MMD2: variants seen among roughly 807,000 people sequenced by gnomAD.
MMD2 encodes the protein monocyte to macrophage differentiation associated 2.
MMD2 carries 30 observed loss-of-function variants against 33.5 expected under a neutral mutation model. The observed-to-expected ratio is 0.90, with a 90% CI of 0.67 to 1.22. MMD2 has a LOEUF of 1.22. MMD2 is among the 50% of genes most tolerant of loss of function. The pLI is 0.00. For missense variants in MMD2, 364 were observed against 325.4 expected, an observed-to-expected ratio of 1.12 and a Z score of -0.91; for synonymous variants, 129 against 123.0, an observed-to-expected ratio of 1.05 and a Z score of -0.32.
chr7:4,933,661 T>G (rs2115126881), intron 1 of MMD2, among the ~76,000 whole-genome samples: 1 of 152,096 alleles, frequency 6.6e-6, no homozygotes, highest in South Asian at 2.1e-4. Context: ...TTTTTTTAGA[T>G]AGGGTCTATC....
At chr7:4,926,053 G>A (rs942569345) in intron 1 of MMD2, among the ~76,000 whole-genome samples, 8 of 152,082 alleles carry the variant, frequency 5.3e-5, no homozygotes, top group African/African-American at 1.7e-4. Context: ...TGATCCGCCC[G>A]CCTCAGCCTT....
chr7:4,950,202 G>A (rs1162224481), intron 1 of MMD2, among the ~76,000 whole-genome samples: 3 of 151,702 alleles, frequency 2.0e-5, no homozygotes, highest in Admixed American at 6.6e-5. Flanking sequence ...GGGTTCAAGC[G>A]ATTCTCCTGC....
intron 1 of MMD2, among the ~76,000 whole-genome samples, chr7:4,955,348 T>C (rs1786354270): frequency 6.6e-6 from 1 of 152,182 alleles, no homozygotes; most frequent in Admixed American, 6.6e-5. Context: ...GGTTAGAACC[T>C]AGGGGGTTAG....
chr7:4,909,862 C>A lies in MMD2; in HGVS notation c.537+19G>T, dbSNP rs745846867. 3.7e-6 allele frequency: 6 copies of A among 1,603,692 alleles called. No individual in the cohort carries two copies. The highest frequency in any genetic ancestry group is 3.4e-6 in the Non-Finnish European group (4 of 1,175,274). On this transcript the variant is annotated intron_variant, in intron 6 of 6. Coordinates refer to ENST00000401401, the MANE Select transcript of MMD2 (RefSeq NM_198403.4). ...GGTCTCTTGCAGGGACTCATCTATGCAGGGCTGGCAGCACTTACCATGGAG... is the reference window on the plus strand; with the variant it reads ...GGTCTCTTGCAGGGACTCATCTATGAAGGGCTGGCAGCACTTACCATGGAG...
chr7:4,926,548 G>A (rs557989184), intron 1 of MMD2, among the ~76,000 whole-genome samples: 1 of 152,024 alleles, frequency 6.6e-6, no homozygotes, highest in Non-Finnish European at 1.5e-5. Context: ...AGTGCCCAGT[G>A]CCCCCTCCCA....
intron 1 of MMD2, among the ~76,000 whole-genome samples, chr7:4,935,196 A>T (rs543111159): frequency 2.8e-4 from 43 of 152,082 alleles, no homozygotes; most frequent in African/African-American, 8.4e-4. Flanking sequence ...AAAAAAAGAA[A>T]AAAAAAACTA....
chr7:4,898,026 C>T, the MMD2 span, among the ~76,000 whole-genome samples: 1 of 152,192 alleles, frequency 6.6e-6, no homozygotes, highest in Non-Finnish European at 1.5e-5. Flanking sequence ...GTGTGAGCCA[C>T]CGCACCCGGC....
Position 4,940,438 on chromosome 7 carries a change from C to G in MMD2, c.48-14906G>C, listed in dbSNP as rs1465201138. ...TGCCTGTCAGTGGCGACCCTGAGTC[C>G]CTTGGACAGAGGACTAGAGAGATTT... On this transcript the variant is annotated intron_variant, in intron 1 of 6. Transcript: ENST00000401401. The surrounding 1 kb of genome is among the most constrained non-coding windows in gnomAD (Gnocchi z 5.0). Among the ~76,000 whole-genome samples, 1 of 152,216 alleles carries G rather than the reference C, an allele frequency of 6.6e-6. No homozygotes were observed. The highest frequency in any genetic ancestry group is 1.5e-5 in the Non-Finnish European group (1 of 68,018).
chr7:4,954,640 A>C (rs1460807182), intron 1 of MMD2, among the ~76,000 whole-genome samples: 1 of 152,086 alleles, frequency 6.6e-6, no homozygotes, highest in Non-Finnish European at 1.5e-5. Flanking sequence ...GCTGGTCTTG[A>C]ACTCCCGGAC....
At chr7:4,895,292 T>C in the MMD2 span, among the ~76,000 whole-genome samples, 1 of 152,136 alleles carries the variant, frequency 6.6e-6, no homozygotes, top group Admixed American at 6.5e-5. Flanking sequence ...GCGATGCTAG[T>C]CTCAAACTCC....
intron 1 of MMD2, among the ~76,000 whole-genome samples, chr7:4,932,685 T>C (rs1274791603): frequency 4.0e-5 from 6 of 151,636 alleles, no homozygotes; most frequent in African/African-American, 1.5e-4. Context: ...TGCAGTGGCA[T>C]GATCTCAGCT....
Position 4,907,431 on chromosome 7 carries a change from G to A in MMD2, c.706C>T (p.Leu236=), listed in dbSNP as rs758736403. The change falls in exon 7 of 7, where the codon CTG becomes TTG. Residue 236 remains leucine (L), a synonymous_variant. Coordinates refer to ENST00000401401, the MANE Select transcript of MMD2 (RefSeq NM_198403.4). ...HYYAIWRYLY[L]PSTLQTKVSK ...ACCTTGGTCTGCAGGGTGCTGGGCA[G>A]ATAGAGGTACCTCCAGATGGCATAG... The A allele has an allele frequency of 6.2e-7, 1 of 1,613,958 alleles. No homozygotes were observed. The highest frequency in any genetic ancestry group is 1.7e-5 in the Admixed American group (1 of 60,026).
In MMD2 at chr7:4,906,278, G is replaced by A. The variant is rs1337453448; in HGVS notation, c.*1118C>T. On this transcript the variant is annotated 3_prime_UTR_variant, in exon 7 of 7. Transcript: ENST00000401401. ...AGAGGCTGGCCCCGCCCTGACGGGG[G>A]CTGAAGAACAGGCCCCCAGCAGCCT... 2.8e-5 allele frequency: 11 copies of A among 389,228 alleles called. No homozygotes were observed. The highest frequency in any genetic ancestry group is 5.0e-5 in the Non-Finnish European group (11 of 220,562). The allele number at this position is 389,228 out of a possible 1,614,324, so 24.1% of individuals were successfully genotyped here.
intron 4 of MMD2, among the ~76,000 whole-genome samples, chr7:4,914,728 TC>T (rs1309418133): frequency 6.6e-6 from 1 of 152,048 alleles, no homozygotes; most frequent in Non-Finnish European, 1.5e-5. Context: ...GTCAGGAGTT[TC>T]AGACCACCCT....
In MMD2 at chr7:4,950,607, C is replaced by T. The variant is rs140998891; in HGVS notation, c.47+8364G>A. Among the ~76,000 whole-genome samples the T allele has an allele frequency of 1.2e-4, 18 of 152,272 alleles. No individual in the cohort carries two copies. In the East Asian group the frequency reaches 3.5e-3, roughly 29 times the overall value. ...TAAGTGGAATCATACAGTATTTGTCCCCTTGGGGCTGATTTCATTTAGCAT... is the reference window on the plus strand; with the variant it reads ...TAAGTGGAATCATACAGTATTTGTCTCCTTGGGGCTGATTTCATTTAGCAT... On this transcript the variant is annotated intron_variant, in intron 1 of 6. Transcript: ENST00000401401.
the MMD2 span, among the ~76,000 whole-genome samples, chr7:4,897,896 C>T: frequency 6.6e-6 from 1 of 152,016 alleles, no homozygotes; most frequent in African/African-American, 2.4e-5. Context: ...CACCACCATG[C>T]CTGGCTAATT....
chr7:4,915,835 GA>G (rs372465678), intron 4 of MMD2, among the ~76,000 whole-genome samples, 169 bp downstream of exon 4: 3 of 151,904 alleles, frequency 2.0e-5, no homozygotes, highest in Non-Finnish European at 2.9e-5. Flanking sequence ...AATAACACAG[GA>G]AAGTGGGTAT....
In MMD2 at chr7:4,946,171, A is replaced by G. The variant is rs1389536927; in HGVS notation, c.47+12800T>C. 1.3e-5 allele frequency among the ~76,000 whole-genome samples: 2 copies of G among 150,802 alleles called. No individual in the cohort carries two copies. The highest frequency in any genetic ancestry group is 4.9e-5 in the African/African-American group (2 of 40,966). On this transcript the variant is annotated intron_variant, in intron 1 of 6. Coordinates refer to ENST00000401401, the MANE Select transcript of MMD2 (RefSeq NM_198403.4). The surrounding 1 kb of genome is among the most constrained non-coding windows in gnomAD (Gnocchi z 5.0). ...CCCACACCCGCGCGCACACCTGCAC[A>G]CATGCACACACACGCGCGCACACCC...
At position 4,950,101 on chromosome 7, in the gene MMD2, G is replaced by GT. The variant is rs1786200014; in HGVS notation, c.47+8869dup. Among the ~76,000 whole-genome samples the GT allele has an allele frequency of 2.0e-5, 3 of 148,140 alleles. No individual in the cohort carries two copies. In the South Asian group the frequency reaches 6.5e-4, roughly 32 times the overall value. ...CTTTTGTGTGTGTGTGTGTGTGTGT[G>GT]TGTGTTGTGTGTGTGAGAGATGGAG... On this transcript the variant is annotated intron_variant, in intron 1 of 6. Coordinates refer to ENST00000401401, the MANE Select transcript of MMD2 (RefSeq NM_198403.4).
Sources: allele counts gnomAD v4.1 joint callset (sites outside exome capture counted in the v4.1 genomes callset), GRCh38; gene constraint gnomAD v4.1.1; non-coding constraint Gnocchi (gnomAD v3.1); transcripts MANE v1.5; gene names NCBI Gene and HGNC (gene_info 2026-07-23, HGNC 2026-07-21).